DOCK4: variants seen among roughly 807,000 people sequenced by gnomAD.
The protein encoded by DOCK4 is dedicator of cytokinesis protein 4.
DOCK4 carries 97 observed loss-of-function variants against 268.1 expected under a neutral mutation model. The observed-to-expected ratio is 0.36, with a 90% CI of 0.31 to 0.43. DOCK4 has a LOEUF of 0.43. Among genes scored for constraint, DOCK4 ranks in the 20% least tolerant of loss-of-function variants. DOCK4 has a pLI of 1.00. For missense variants in DOCK4, 2,145 were observed against 2,455.7 expected (o/e 0.87, Z 2.67); for synonymous variants, 954 against 887.2 (o/e 1.08, Z -1.34).
At chr7:112,056,392 A>C (rs978348671) in intron 1 of DOCK4, among the ~76,000 whole-genome samples, 5 of 152,196 alleles carry the variant, frequency 3.3e-5, no homozygotes, top group Admixed American at 6.5e-5. Context: ...AATAGATAAC[A>C]GATATTAAGT....
At chr7:112,148,308 G>A (rs897700020) in intron 1 of DOCK4, among the ~76,000 whole-genome samples, 3 of 152,152 alleles carry the variant, frequency 2.0e-5, no homozygotes, top group Non-Finnish European at 4.4e-5. Context: ...AGGGGGAGAT[G>A]TCAGAAGAAT....
intron 47 of DOCK4, 46 bp downstream of exon 47, chr7:111,741,048 G>C (rs763944105): frequency 6.2e-7 from 1 of 1,607,278 alleles, no homozygotes; most frequent in East Asian, 2.2e-5. Context: ...TCATGATTGA[G>C]ACAGAAAAGG....
chr7:112,113,734 A>ATTTTTTTTTT lies in DOCK4; in HGVS notation c.37+92358_37+92367dup, dbSNP rs57672966. Among the ~76,000 whole-genome samples the ATTTTTTTTTT allele has an allele frequency of 1.4e-4, 7 of 49,548 alleles. 1 individual carries two copies. The highest frequency in any genetic ancestry group is 1.9e-4 in the Non-Finnish European group (5 of 26,896). 32.5% of individuals were successfully genotyped at this position (49,548 alleles called of 152,430 possible). On this transcript the variant is annotated intron_variant, in intron 1 of 52. Coordinates refer to ENST00000428084, the MANE Select transcript of DOCK4 (RefSeq NM_001363540.2). ...AGGCATGCACCACCATACTTGGCTG[A>ATTTTTTTTTT]TTTTTTTTTTTTTTTTTTTTTTTTT...
rs374830820 is a variant in DOCK4, at chr7:111,747,439, T to C, written c.4421A>G (p.Glu1474Gly). ...WFEVEKREVV[E>G]MSPLENAIEV... ...AATTGCATTTTCCAGAGGACTCATTTCTACCTGAGAAGCAAATGAACATAA... is the reference window on the plus strand; with the variant it reads ...AATTGCATTTTCCAGAGGACTCATTCCTACCTGAGAAGCAAATGAACATAA... Residue 1474 changes from glutamate to glycine, a missense_variant, in exon 43 of 53, where the codon GAA becomes GGA. Physicochemically the swap from Glu to Gly is moderately conservative, Grantham distance 98. Transcript: ENST00000428084. 41 of 1,594,376 alleles carry C rather than the reference T, an allele frequency of 2.6e-5. No individual in the cohort carries two copies. Among genetic ancestry groups the C allele is most frequent in the Non-Finnish European group, 3.4e-5 (40 of 1,170,592 alleles).
chr7:112,171,230 T>C (rs1287178806), intron 1 of DOCK4, among the ~76,000 whole-genome samples: 1 of 152,204 alleles, frequency 6.6e-6, no homozygotes, highest in East Asian at 1.9e-4. Flanking sequence ...TAATTTTCCT[T>C]TTAAATGGAA....
chr7:111,857,746 C>G (rs1025502886), intron 23 of DOCK4, among the ~76,000 whole-genome samples: 3 of 151,566 alleles, frequency 2.0e-5, no homozygotes, highest in Non-Finnish European at 1.5e-5. Context: ...CGCTATCACG[C>G]CCTAAACTAT....
intron 7 of DOCK4, among the ~76,000 whole-genome samples, chr7:111,980,465 TAGG>T (rs1172685606): frequency 2.0e-5 from 3 of 152,214 alleles, no homozygotes; most frequent in Non-Finnish European, 4.4e-5. Context: ...GCTCTTTGAT[TAGG>T]AGAAGAAAGA....
chr7:112,096,442 C>T (rs1185272062), intron 1 of DOCK4, among the ~76,000 whole-genome samples: 1 of 152,144 alleles, frequency 6.6e-6, no homozygotes. Context: ...CTTAGCCTCC[C>T]AAAGTGCTGG....
rs1806499139 is a variant in DOCK4 at position 111,872,359 on chromosome 7, G to C, written c.1843-7C>G. On this transcript the variant is annotated splice_polypyrimidine_tract_variant and splice_region_variant and intron_variant, in intron 18 of 52. Transcript: ENST00000428084. ...CCAGTGTATCCTGCAGAAACTGTTA[G>C]ATAAAGAAGTAGCAAATGAGTAAAT... The C allele has an allele frequency of 6.5e-7, 1 of 1,543,748 alleles. No individual in the cohort carries two copies. Among genetic ancestry groups the C allele is most frequent in the East Asian group, 2.4e-5 (1 of 42,368 alleles).
At chr7:111,791,448 GT>G (rs975655012) in intron 30 of DOCK4, among the ~76,000 whole-genome samples, 1 of 149,908 alleles carries the variant, frequency 6.7e-6, no homozygotes, top group African/African-American at 2.5e-5. Context: ...TCGAGTGTCT[GT>G]TTTTTTTGTT....
At chr7:112,126,616 C>A (rs995117187) in intron 1 of DOCK4, among the ~76,000 whole-genome samples, 4 of 152,168 alleles carry the variant, frequency 2.6e-5, no homozygotes, top group South Asian at 2.1e-4. Context: ...TCAGAGTCAA[C>A]AGGCAACCTA....
At chr7:111,837,551 A>C (rs778787308) in intron 25 of DOCK4, among the ~76,000 whole-genome samples, 2 of 152,238 alleles carry the variant, frequency 1.3e-5, no homozygotes, top group Non-Finnish European at 2.9e-5. Context: ...GAGTTTATTT[A>C]CATTCCAAAA....
intron 1 of DOCK4, among the ~76,000 whole-genome samples, chr7:112,036,694 T>C (rs147409905): frequency 3.5e-4 from 49 of 138,168 alleles, no homozygotes; most frequent in African/African-American, 1.3e-3. Flanking sequence ...GGAGTCTCGC[T>C]CCATCGCCCA....
chr7:112,019,947 G>C (rs1281663978), intron 1 of DOCK4, among the ~76,000 whole-genome samples: 1 of 152,160 alleles, frequency 6.6e-6, no homozygotes, highest in African/African-American at 2.4e-5. Context: ...TAGGAGTTAA[G>C]CCTAGAACTA....
At chr7:112,025,886 T>G (rs67863076) in intron 1 of DOCK4, among the ~76,000 whole-genome samples, 63,505 of 151,892 alleles carry the variant, frequency 0.42, 14,487 homozygotes, top group African/African-American at 0.56. Context: ...CCCTCCACCA[T>G]AAAGCCTTCC....
At chr7:111,748,934 TACAC>T (rs753825817) in intron 42 of DOCK4, among the ~76,000 whole-genome samples, 105 of 152,248 alleles carry the variant, frequency 6.9e-4, no homozygotes, top group Admixed American at 4.6e-3. Context: ...GGAAAAATAT[TACAC>T]ACAACACTGA....
chr7:111,839,740 G>A (rs1322930239), intron 25 of DOCK4, among the ~76,000 whole-genome samples: 1 of 152,064 alleles, frequency 6.6e-6, no homozygotes, highest in East Asian at 1.9e-4. Context: ...TCTGTTAGGA[G>A]GCCTAGATGT....
chr7:112,158,195 T>A (rs1816792441), intron 1 of DOCK4, among the ~76,000 whole-genome samples: 1 of 152,210 alleles, frequency 6.6e-6, no homozygotes. Context: ...CTGATGCTTC[T>A]GGTCTTGGGA....
chr7:111,822,577 G>A (rs898539165), intron 26 of DOCK4, 121 bp from the exon 27 acceptor site: 20 of 875,432 alleles, frequency 2.3e-5, no homozygotes, highest in East Asian at 2.2e-4. Flanking sequence ...AGAGAAGGGA[G>A]CCATAGTTTA....
Sources: gnomAD v4.1 joint callset for allele counts (sites outside exome capture counted in the v4.1 genomes callset) on GRCh38, gnomAD v4.1.1 for gene constraint, MANE v1.5 for transcripts, NCBI Gene and HGNC (gene_info 2026-07-23, HGNC 2026-07-21) for gene names.